Variants in CDS2 observed in about 807,000 individuals in gnomAD.
The protein encoded by CDS2 is phosphatidate cytidylyltransferase 2.
CDS2 carries 47 observed loss-of-function variants against 59.0 expected under a neutral mutation model. That is an observed-to-expected ratio of 0.80 (90% CI 0.63 to 1.02). CDS2 has a LOEUF of 1.02. CDS2 is among the 50% of genes least tolerant of loss of function. CDS2 has a pLI of 0.00. For synonymous variants in CDS2, 207 were observed against 206.4 expected, an observed-to-expected ratio of 1.00 and a Z score of -0.02; for missense variants, 356 against 558.9, an observed-to-expected ratio of 0.64 and a Z score of 3.66.
At chr20:5,177,149 A>C (rs892254478) in intron 4 of CDS2, among the ~76,000 whole-genome samples, 2 of 152,014 alleles carry the variant, frequency 1.3e-5, no homozygotes, top group African/African-American at 4.8e-5. Context: ...TTGCCTCGCT[A>C]TTTGGATTCC....
At chr20:5,158,048 C>CT (rs1025580720) in intron 1 of CDS2, among the ~76,000 whole-genome samples, 1 of 151,470 alleles carries the variant, frequency 6.6e-6, no homozygotes, top group African/African-American at 2.4e-5. Context: ...TGTTTGTTTG[C>CT]TTGTTTTAGC....
At chr20:5,127,584 A>T (rs1240706322) in intron 1 of CDS2, among the ~76,000 whole-genome samples, 1 of 152,204 alleles carries the variant, frequency 6.6e-6, no homozygotes, top group Non-Finnish European at 1.5e-5. Context: ...TGGGGGAATC[A>T]GGACAAGGCC....
intron 1 of CDS2, among the ~76,000 whole-genome samples, chr20:5,159,485 T>C (rs762841605): frequency 6.6e-6 from 1 of 152,128 alleles, no homozygotes; most frequent in Non-Finnish European, 1.5e-5. Context: ...AAGTATATTA[T>C]AGTTTTTTTC....
chr20:5,184,789 C>A lies in CDS2; in HGVS notation c.672-69C>A. On this transcript the variant is annotated intron_variant, in intron 7 of 12. Transcript: ENST00000460006. This position sits in a 1 kb window ranked among gnomAD's most constrained non-coding sequence, Gnocchi z 4.3. ...TTTTGGTGCTGGAATTTAAGAATGG[C>A]ACTATTTTGTGTACTTTTGAGGTAC... is the stretch of plus-strand genomic sequence containing the variant. 3 of 1,121,710 alleles carry A rather than the reference C, an allele frequency of 2.7e-6. No individual in the cohort carries two copies. The highest frequency in any genetic ancestry group is 4.1e-6 in the Non-Finnish European group (3 of 733,244). 69.5% of individuals were successfully genotyped at this position (1,121,710 alleles called of 1,614,324 possible). A position where few individuals can be genotyped will look rare whatever the true frequency, so the allele number is the denominator to read the frequency against.
At chr20:5,163,335 C>T (rs1446223264) in intron 1 of CDS2, among the ~76,000 whole-genome samples, 1 of 152,206 alleles carries the variant, frequency 6.6e-6, no homozygotes, top group Non-Finnish European at 1.5e-5. Flanking sequence ...CATCTCAGCT[C>T]ACCATAACCT....
intron 2 of CDS2, among the ~76,000 whole-genome samples, chr20:5,174,711 ACT>A (rs1002819545): frequency 6.7e-6 from 1 of 149,128 alleles, no homozygotes; most frequent in Admixed American, 6.7e-5. Context: ...TACAGAGGAA[ACT>A]CTGTCTCAAA....
In CDS2 at chr20:5,189,094, A is replaced by G; in HGVS notation, c.1009A>G (p.Ile337Val). 3 of 1,614,194 alleles carry G rather than the reference A, an allele frequency of 1.9e-6. No homozygotes were observed. Among genetic ancestry groups the G allele is most frequent in the Non-Finnish European group, 2.5e-6 (3 of 1,180,030 alleles). ...AACGGTCCGGATGTACCCCTTCCAG[A>G]TTCACAGCATCGCTCTCTCCACCTT... ...WKTVRMYPFQ[I>V]HSIALSTFAS... is the part of the protein sequence containing the mutation. Residue 337 changes from isoleucine to valine, a missense_variant, in exon 11 of 13, where the codon ATT becomes GTT. Around this residue, in one of 5 missense-constraint regions of CDS2, gnomAD observed 88 missense variants for 103.6 expected, o/e 0.85. Transcript: ENST00000460006.
At position 5,184,328 on chromosome 20, in the gene CDS2, C is replaced by T. The variant is rs938217609; in HGVS notation, c.672-530C>T. Among the ~76,000 whole-genome samples, 2 of 152,020 alleles carry T rather than the reference C, an allele frequency of 1.3e-5. No homozygotes were observed. Among genetic ancestry groups the T allele is most frequent in the African/African-American group, 2.4e-5 (1 of 41,392 alleles). On this transcript the variant is annotated intron_variant, in intron 7 of 12. Transcript: ENST00000460006. The surrounding 1 kb of genome is among the most constrained non-coding windows in gnomAD (Gnocchi z 4.3). ...TGGGCAGAGGGGAAATCTAGCTGTG[C>T]GTGTTGGGGTTTCACACTCAAATAC...
At chr20:5,181,637 G>A (rs2091034423) in intron 5 of CDS2, among the ~76,000 whole-genome samples, 2 of 152,198 alleles carry the variant, frequency 1.3e-5, no homozygotes, top group African/African-American at 4.8e-5. Context: ...CATGGGCTAT[G>A]TTCTCGGAAA....
intron 1 of CDS2, among the ~76,000 whole-genome samples, chr20:5,153,418 C>T (rs1186398423): frequency 6.6e-6 from 1 of 152,182 alleles, no homozygotes; most frequent in East Asian, 1.9e-4. Context: ...TCACTGCTCC[C>T]CTCAGGGGAG....
intron 1 of CDS2, among the ~76,000 whole-genome samples, chr20:5,159,344 G>A (rs190803521): frequency 5.8e-4 from 64 of 109,634 alleles, no homozygotes; most frequent in African/African-American, 2.1e-3. Context: ...CCCCACAACA[G>A]GCCCCAGTGT....
intron 1 of CDS2, among the ~76,000 whole-genome samples, chr20:5,142,880 G>T (rs759749018): frequency 2.2e-4 from 33 of 151,768 alleles, no homozygotes; most frequent in Non-Finnish European, 4.6e-4. Flanking sequence ...TTTGAGACAG[G>T]TTCTCACTCT....
In CDS2 at chr20:5,178,820, C is replaced by G; in HGVS notation, c.393C>G (p.Tyr131Ter). Residue 131 changes from tyrosine to a stop codon, truncating the protein, a stop_gained, in exon 5 of 13, where the codon TAC (tyrosine) becomes TAG (stop). Coordinates refer to ENST00000460006, the MANE Select transcript of CDS2 (RefSeq NM_003818.4). LOFTEE classifies it high-confidence loss of function. The part of the protein sequence containing the change: ...DLPWFRTLSW[Y>*]FLLCVNYFFY... ...AATGACCTGTCTTCATTTACAGGTA[C>G]TTTCTCCTGTGTGTAAACTATTTCT... The G allele has an allele frequency of 6.2e-7, 1 of 1,614,172 alleles. No individual in the cohort carries two copies. Among genetic ancestry groups the G allele is most frequent in the Non-Finnish European group, 8.5e-7 (1 of 1,180,020 alleles).
chr20:5,136,775 T>C (rs1196172814), intron 1 of CDS2, among the ~76,000 whole-genome samples: 1 of 152,172 alleles, frequency 6.6e-6, no homozygotes, highest in Non-Finnish European at 1.5e-5. Context: ...TTTGTAGTCT[T>C]CTGTCTCTCA....
At position 5,193,954 on chromosome 20, in the gene CDS2, G is replaced by A. The variant is rs6038088; in HGVS notation, c.*3720G>A. 67,997 of 152,014 alleles carry A rather than the reference G, an allele frequency of 0.45. 15,713 individuals are homozygous for A. The highest frequency in any genetic ancestry group is 0.52 in the African/African-American group (21,532 of 41,434). 9.4% of individuals were successfully genotyped at this position (152,014 alleles called of 1,614,324 possible). The stretch of plus-strand genomic sequence containing the variant: ...TATGTGCTAAGAAAAGGGTGGAGTT[G>A]GGAGGACAATTTCACTTGAACAGGT... On this transcript the variant is annotated 3_prime_UTR_variant, in exon 13 of 13. Transcript: ENST00000460006.
chr20:5,196,191 A>C lies in CDS2; in HGVS notation c.*5957A>C, dbSNP rs1009034537. The C allele has an allele frequency of 1.3e-5, 2 of 151,846 alleles. No homozygotes were observed. Among genetic ancestry groups the C allele is most frequent in the African/African-American group, 4.8e-5 (2 of 41,292 alleles). The allele number at this position is 151,846 out of a possible 1,614,324, so 9.4% of individuals were successfully genotyped here. ...TAATGATAATGCCATGAACCAGGAG[A>C]AGATGGTTGTGGGGGTTTCTAGGAA... On this transcript the variant is annotated 3_prime_UTR_variant, in exon 13 of 13. Coordinates refer to ENST00000460006, the MANE Select transcript of CDS2 (RefSeq NM_003818.4).
chr20:5,130,642 G>T (rs1362707837), intron 1 of CDS2, among the ~76,000 whole-genome samples: 2 of 152,074 alleles, frequency 1.3e-5, no homozygotes, highest in African/African-American at 4.8e-5. Flanking sequence ...AATTAGCCGG[G>T]CGTGGTGGTG....
At chr20:5,156,035 G>A (rs2090831252) in intron 1 of CDS2, among the ~76,000 whole-genome samples, 1 of 152,184 alleles carries the variant, frequency 6.6e-6, no homozygotes, top group African/African-American at 2.4e-5. Context: ...AAATGAATGG[G>A]GGAGGGATGT....
At position 5,127,169 on chromosome 20, in the gene CDS2, G is replaced by GGGCGCGGCCGGGACAGC; in HGVS notation, c.57+26_57+42dup. 6.8e-7 allele frequency: 1 copy of GGGCGCGGCCGGGACAGC among 1,480,606 alleles called. No homozygotes were observed. Among genetic ancestry groups the GGGCGCGGCCGGGACAGC allele is most frequent in the Non-Finnish European group, 9.0e-7 (1 of 1,113,544 alleles). 91.7% of individuals were successfully genotyped at this position (1,480,606 alleles called of 1,614,324 possible). ...GACAAGGTAGCGGCAGCGTCGGGGT[G>GGGCGCGGCCGGGACAGC]GGCGCGGCCGGGACAGCGGCGCATC... On this transcript the variant is annotated intron_variant, in intron 1 of 12. Coordinates refer to ENST00000460006, the MANE Select transcript of CDS2 (RefSeq NM_003818.4).
Sources: allele counts gnomAD v4.1 joint callset (sites outside exome capture counted in the v4.1 genomes callset), GRCh38; gene constraint gnomAD v4.1.1; regional missense constraint gnomAD v4.1.1; non-coding constraint Gnocchi (gnomAD v3.1); transcripts MANE v1.5; gene names NCBI Gene and HGNC (gene_info 2026-07-23, HGNC 2026-07-21).